The following SOD2 variants were observed in gnomAD, a reference collection of about 807,000 sequenced individuals.
SOD2 encodes superoxide dismutase [Mn], mitochondrial.
Under a neutral mutation model 27.0 loss-of-function variants are expected in SOD2, and 11 were observed. The ratio of observed to expected loss-of-function variants is 0.41; its 90% CI spans 0.26 to 0.67. The LOEUF (loss-of-function observed/expected upper bound fraction) is 0.67, where lower values mean the gene tolerates loss of function less well. Ranked by LOEUF, SOD2 falls within the 30% of genes least tolerant of loss-of-function variation. The pLI, the probability that SOD2 is intolerant of heterozygous loss-of-function variation, is 0.34. For synonymous variants in SOD2, 105 were observed against 103.0 expected (o/e 1.02, Z -0.12); for missense variants, 250 against 274.5 (o/e 0.91, Z 0.63).
chr6:159,712,261 C>T (rs896100350), intron 1 of SOD2, among the ~76,000 whole-genome samples: 149 of 139,998 alleles, frequency 1.1e-3, no homozygotes, highest in Admixed American at 2.1e-3. Context: ...TAACCACCTC[C>T]ATAACCACCA....
intron 1 of SOD2, among the ~76,000 whole-genome samples, chr6:159,738,002 C>T (rs2842974): frequency 0.78 from 118,079 of 152,152 alleles, 46,112 homozygotes; most frequent in South Asian, 0.85. Context: ...ATTGTTAACA[C>T]CTTGCGTGAC....
rs1168010948 is a variant in SOD2, at chr6:159,671,120, G to C, written c.*11373C>G. 1 of 70,626 alleles carries C rather than the reference G, an allele frequency of 1.4e-5. No individual in the cohort carries two copies. The highest frequency in any genetic ancestry group is 4.4e-5 in the African/African-American group (1 of 22,952). The allele number at this position is 70,626 out of a possible 1,614,324, so 4.4% of individuals were successfully genotyped here. ...CTCGAACTAGGTGGAGCCCACTGCA[G>C]CTCAAGGAGGCCTGCCTGCCTGCCT... On this transcript the variant is annotated 3_prime_UTR_variant, in exon 5 of 5. Coordinates refer to ENST00000538183, the MANE Select transcript of SOD2 (RefSeq NM_000636.4).
rs554130706 is a variant in SOD2, at chr6:159,705,122, C to T, written c.-115-12259G>A. On this transcript the variant is annotated intron_variant, in intron 1 of 2. Transcript: ENST00000401980. The stretch of plus-strand genomic sequence containing the variant: ...CATCCACTCCAAAACCCTACCTGTA[C>T]GTCACCGTCATCAAAGAACAAAGGT... Among the ~76,000 whole-genome samples the T allele has an allele frequency of 4.6e-5, 7 of 152,274 alleles. No homozygotes were observed. The South Asian group carries it at 6.2e-4, about 14-fold the overall frequency.
At chr6:159,692,305 C>T in intron 2 of SOD2, 1 of 822,916 alleles carries the variant, frequency 1.2e-6, no homozygotes, top group African/African-American at 1.8e-5. Context: ...ACAACAAGAA[C>T]AATTTCAATT....
exon 1 of SOD2, chr6:159,762,167 A>C: frequency 1.9e-6 from 3 of 1,604,384 alleles, no homozygotes. Flanking sequence ...GGAGCCGCGC[A>C]GAGTCCGAGG....
Position 159,682,179 on chromosome 6 carries a change from G to A in SOD2, c.*314C>T, listed in dbSNP as rs55898944. The A allele has an allele frequency of 9.9e-5, 18 of 181,782 alleles. No homozygotes were observed. Among genetic ancestry groups the A allele is most frequent in the Middle Eastern group, 2.2e-3 (1 of 450 alleles). 11.3% of individuals were successfully genotyped at this position (181,782 alleles called of 1,614,324 possible). On this transcript the variant is annotated 3_prime_UTR_variant, in exon 5 of 5. Coordinates refer to ENST00000538183, the MANE Select transcript of SOD2 (RefSeq NM_000636.4). ...ACTGCAATAGAATAGGACTAGAAAGGCATCCCTACAAGTCCCCAAAGTATA... is the reference window on the plus strand; with the variant it reads ...ACTGCAATAGAATAGGACTAGAAAGACATCCCTACAAGTCCCCAAAGTATA...
rs1335642843 is a variant in SOD2, at chr6:159,674,182, T to A, written c.*8311A>T. ...TACCAGAGGTACAAGGAAGAGCTGG[T>A]ACCATTCCTTCTGAAACTATTCCAA... On this transcript the variant is annotated 3_prime_UTR_variant, in exon 5 of 5. Transcript: ENST00000538183. 6.6e-6 allele frequency: 1 copy of A among 152,212 alleles called. No individual in the cohort carries two copies. Among genetic ancestry groups the A allele is most frequent in the Non-Finnish European group, 1.5e-5 (1 of 68,044 alleles). 9.4% of individuals were successfully genotyped at this position (152,212 alleles called of 1,614,324 possible).
intron 1 of SOD2, chr6:159,742,182 A>G (rs1241153664): frequency 1.3e-6 from 2 of 1,499,436 alleles, no homozygotes; most frequent in African/African-American, 1.4e-5. Context: ...AGACTGAATA[A>G]TCTCCTTTTG....
rs77938615 is a variant in SOD2, at chr6:159,720,045, G to A, written c.-116+7084C>T. On this transcript the variant is annotated intron_variant, in intron 1 of 2. Transcript: ENST00000401980. Reference sequence around the variant, plus strand: ...AGCCTTGCTTTTTTTTTTTTTTGGTGGGGGGGACAGAGTCTCACTCCGTCT... The same window carrying A: ...AGCCTTGCTTTTTTTTTTTTTTGGTAGGGGGGACAGAGTCTCACTCCGTCT... Among the ~76,000 whole-genome samples, 533 of 138,102 alleles carry A rather than the reference G, an allele frequency of 3.9e-3. 1 individual carries two copies. Among genetic ancestry groups the A allele is most frequent in the African/African-American group, 0.013 (494 of 36,862 alleles). 90.6% of individuals were successfully genotyped at this position (138,102 alleles called of 152,430 possible). A position where few individuals can be genotyped will look rare whatever the true frequency, so the allele number is the denominator to read the frequency against.
At chr6:159,761,337 T>C (rs772505030) in exon 1 of SOD2, 1 of 303,318 alleles carries the variant, frequency 3.3e-6, no homozygotes, top group Non-Finnish European at 6.6e-6. Flanking sequence ...TAAACAAAAC[T>C]GACCCCACTT....
chr6:159,755,745 CTTT>C (rs1779980570), intron 1 of SOD2: 3 of 288,320 alleles, frequency 1.0e-5, no homozygotes, highest in Admixed American at 1.8e-4. Flanking sequence ...TGTTTTTTTT[CTTT>C]GTTTTTTTTT....
intron 1 of SOD2, among the ~76,000 whole-genome samples, chr6:159,709,211 G>A (rs1562435609): frequency 2.0e-5 from 3 of 152,118 alleles, no homozygotes; most frequent in African/African-American, 7.2e-5. Flanking sequence ...CATGGGCAAG[G>A]ACTTCATGAC....
chr6:159,735,850 A>G (rs1249168679), intron 1 of SOD2, among the ~76,000 whole-genome samples: 2 of 152,210 alleles, frequency 1.3e-5, no homozygotes, highest in Non-Finnish European at 1.5e-5. Flanking sequence ...ACATAATGCT[A>G]TAAAAGGAAA....
At chr6:159,704,508 C>T (rs1414262262) in intron 1 of SOD2, among the ~76,000 whole-genome samples, 1 of 152,238 alleles carries the variant, frequency 6.6e-6, no homozygotes, top group Non-Finnish European at 1.5e-5. Context: ...GGTGCCACGC[C>T]CATGGAGCCT....
intron 1 of SOD2, among the ~76,000 whole-genome samples, chr6:159,741,137 C>T (rs924492012): frequency 6.6e-6 from 1 of 152,168 alleles, no homozygotes; most frequent in African/African-American, 2.4e-5. Flanking sequence ...AGCAGACATT[C>T]AGGGCAGGGT....
rs1464825860 is a variant in SOD2 at position 159,687,802 on chromosome 6, T to G, written c.343+324A>C. Among the ~76,000 whole-genome samples the G allele has an allele frequency of 2.0e-5, 3 of 151,020 alleles. No individual in the cohort carries two copies. In the South Asian group the frequency reaches 6.3e-4, roughly 32 times the overall value. On this transcript the variant is annotated intron_variant, in intron 3 of 4. Transcript: ENST00000538183. ...GGTGGGCAGATCATGAGGTCAGGAG[T>G]TCAAGACCAGCCTGGCCAACATGGT... is the stretch of plus-strand genomic sequence containing the variant.
At position 159,692,670 on chromosome 6, in the gene SOD2, A is replaced by G. The variant is rs763895547; in HGVS notation, c.217T>C (p.Leu73=). The G allele has an allele frequency of 8.4e-5, 135 of 1,613,576 alleles. No homozygotes were observed. The highest frequency in any genetic ancestry group is 2.0e-4 in the East Asian group (9 of 44,838). The change falls in exon 2 of 5, where the codon TTG becomes CTG. Residue 73 remains leucine (L), a synonymous_variant. Transcript: ENST00000538183. ...NVTEEKYQEA[L]AKGDVTAQIA... ...TCAGCCTGGAACCTACCCTTGGCCA[A>G]CGCCTCCTGGTACTTCTCCTCGGTG...
At position 159,685,002 on chromosome 6, in the gene SOD2, A is replaced by G; in HGVS notation, c.375T>C (p.Phe125=). The stretch of plus-strand genomic sequence containing the variant: ...TCTCCTTAAACTTGTCAAAGGAACC[A>G]AAGTCACGTTTGATGGCTTCCAGCA... ...GELLEAIKRD[F]GSFDKFKEKL... Residue 125 remains phenylalanine, a synonymous_variant, in exon 4 of 5, where the codon TTT becomes TTC. Coordinates refer to ENST00000538183, the MANE Select transcript of SOD2 (RefSeq NM_000636.4). 1 of 1,610,906 alleles carries G rather than the reference A, an allele frequency of 6.2e-7. No homozygotes were observed. Among genetic ancestry groups the G allele is most frequent in the Non-Finnish European group, 8.5e-7 (1 of 1,178,650 alleles).
At chr6:159,737,980 T>TG (rs1208555551) in intron 1 of SOD2, among the ~76,000 whole-genome samples, 7 of 152,278 alleles carry the variant, frequency 4.6e-5, no homozygotes, top group African/African-American at 1.7e-4. Flanking sequence ...CAACTTTCAC[T>TG]GAGCCTGCTT....
Sources: allele counts gnomAD v4.1 joint callset (sites outside exome capture counted in the v4.1 genomes callset), GRCh38; gene constraint gnomAD v4.1.1; transcripts MANE v1.5; gene names NCBI Gene and HGNC (gene_info 2026-07-23, HGNC 2026-07-21).